ANK2: variants seen among roughly 807,000 people sequenced by gnomAD.
ANK2 encodes the protein ankyrin 2.
A neutral mutation model predicts 360.5 loss-of-function variants in ANK2; 83 were observed. The ratio of observed to expected loss-of-function variants is 0.23; its 90% CI spans 0.19 to 0.28. ANK2 has a LOEUF of 0.28. Ranked by LOEUF, ANK2 falls within the 10% of genes least tolerant of loss-of-function variation. ANK2 has a pLI of 1.00. For missense variants in ANK2, 4,201 were observed against 4,795.7 expected, an observed-to-expected ratio of 0.88 and a Z score of 3.66; for synonymous variants, 1,740 against 1,759.5, an observed-to-expected ratio of 0.99 and a Z score of 0.28.
upstream of ANK2, among the ~76,000 whole-genome samples, chr4:113,047,525 G>A (rs1386522559): frequency 6.6e-6 from 1 of 152,162 alleles, no homozygotes; most frequent in Non-Finnish European, 1.5e-5. Context: ...CAAGAAAGGG[G>A]CATCTAATGG....
chr4:113,343,270 C>A, intron 34 of ANK2, 128 bp downstream of exon 34: 9 of 970,090 alleles, frequency 9.3e-6, no homozygotes, highest in East Asian at 2.7e-5. Context: ...ATATTTGTAA[C>A]GTTTTACAGC....
chr4:112,813,268 G>A (rs1283463703), upstream of ANK2, among the ~76,000 whole-genome samples: 5 of 149,750 alleles, frequency 3.3e-5, no homozygotes, highest in Non-Finnish European at 7.4e-5. Flanking sequence ...AAAAAAATCT[G>A]GTCATTATGG....
intron 2 of ANK2, among the ~76,000 whole-genome samples, chr4:112,953,719 G>T (rs564391808): frequency 6.6e-6 from 1 of 152,188 alleles, no homozygotes; most frequent in Non-Finnish European, 1.5e-5. Context: ...CTCTGGCAGA[G>T]GTAGTTCTTT....
Position 113,336,699 on chromosome 4 carries a change from T to G in ANK2, c.3714T>G (p.Pro1238=), listed in dbSNP as rs771089616. Residue 1238 remains proline (P), a synonymous_variant, in exon 31 of 46, where the codon CCT becomes CCG. Coordinates refer to ENST00000357077, the MANE Select transcript of ANK2 (RefSeq NM_001148.6). ...KFHKPITMTI[P]VPKASSDVML... is the part of the protein sequence containing the mutation. ...ACAAACCAATTACCATGACCATTCC[T>G]GTCCCCAAAGCTTCAAGTGATGTCA... 6.2e-7 allele frequency: 1 copy of G among 1,614,154 alleles called. No homozygotes were observed. Among genetic ancestry groups the G allele is most frequent in the Non-Finnish European group, 8.5e-7 (1 of 1,180,024 alleles).
intron 2 of ANK2, among the ~76,000 whole-genome samples, chr4:113,017,647 C>T (rs1455156556): frequency 2.0e-5 from 3 of 152,188 alleles, no homozygotes; most frequent in Non-Finnish European, 2.9e-5. Context: ...CTATCATTCA[C>T]ACGCAGAATT....
At chr4:112,865,793 A>T (rs2070294632) in intron 1 of ANK2, among the ~76,000 whole-genome samples, 1 of 152,250 alleles carries the variant, frequency 6.6e-6, no homozygotes, top group African/African-American at 2.4e-5. Flanking sequence ...TAAATTTCAT[A>T]CATTTCTGTG....
intron 1 of ANK2, among the ~76,000 whole-genome samples, chr4:112,850,295 TCTA>T (rs2064423739): frequency 7.5e-6 from 1 of 132,708 alleles, no homozygotes; most frequent in African/African-American, 3.0e-5. Flanking sequence ...TATCTATCTA[TCTA>T]TCTAATTTGT....
At chr4:112,884,031 A>T (rs888339189) in intron 1 of ANK2, among the ~76,000 whole-genome samples, 52 of 152,132 alleles carry the variant, frequency 3.4e-4, no homozygotes, top group African/African-American at 1.2e-3. Context: ...ATTTGGTCTC[A>T]TAGCACAAAT....
At chr4:112,850,331 G>GTCCATCCATCCATCCA (rs139812761) in intron 1 of ANK2, among the ~76,000 whole-genome samples, 22,410 of 142,744 alleles carry the variant, frequency 0.16, 1,996 homozygotes, top group African/African-American at 0.22. Context: ...CCATTCATCT[G>GTCCATCCATCCATCCA]TCCATCCATC....
At chr4:113,326,497 AAC>A (rs1444926012) in intron 26 of ANK2, among the ~76,000 whole-genome samples, 1 of 152,148 alleles carries the variant, frequency 6.6e-6, no homozygotes, top group Non-Finnish European at 1.5e-5. Flanking sequence ...AGATTTTATA[AAC>A]AGTTTTACTC....
At chr4:113,333,311 T>A in intron 29 of ANK2, 103 bp downstream of exon 29, 1 of 1,314,706 alleles carries the variant, frequency 7.6e-7, no homozygotes, top group Non-Finnish European at 1.1e-6. Flanking sequence ...TGTGTGTGTG[T>A]GTGTGTGTGT....
At chr4:113,198,138 C>T (rs1346059383) in intron 3 of ANK2, among the ~76,000 whole-genome samples, 1 of 151,912 alleles carries the variant, frequency 6.6e-6, no homozygotes, top group East Asian at 1.9e-4. Flanking sequence ...TTTTTCTTTT[C>T]TTCTAAACTC....
intron 1 of ANK2, among the ~76,000 whole-genome samples, chr4:112,899,464 A>G (rs1486153939): frequency 6.6e-6 from 1 of 152,174 alleles, no homozygotes; most frequent in Non-Finnish European, 1.5e-5. Flanking sequence ...GCCCCATAAA[A>G]ACCCAATTTT....
the ANK2 span, among the ~76,000 whole-genome samples, chr4:112,730,887 C>A: frequency 1.3e-5 from 2 of 150,966 alleles, no homozygotes; most frequent in South Asian, 4.2e-4. Context: ...CGCCTGTAGT[C>A]CCAGCACTTT....
chr4:113,381,922 A>G lies in ANK2; in HGVS notation c.*451A>G. ...CACCTCCATTGTTCTTTGCTTCTGC[A>G]CAAGATCCATGAAAATCCATTGATC... On this transcript the variant is annotated 3_prime_UTR_variant, in exon 46 of 46. Transcript: ENST00000357077. 2 of 343,868 alleles carry G rather than the reference A, an allele frequency of 5.8e-6. No homozygotes were observed. The highest frequency in any genetic ancestry group is 5.7e-6 in the Non-Finnish European group (1 of 174,738). The allele number at this position is 343,868 out of a possible 1,614,324, so 21.3% of individuals were successfully genotyped here. A position where few individuals can be genotyped will look rare whatever the true frequency, so the allele number is the denominator to read the frequency against.
chr4:113,206,898 C>T (rs142572373), intron 4 of ANK2, among the ~76,000 whole-genome samples: 164 of 152,248 alleles, frequency 1.1e-3, no homozygotes, highest in Admixed American at 1.6e-3. Context: ...GTGGTGGGTG[C>T]TTGTAACCCC....
rs116815944 is a variant in ANK2, at chr4:112,844,799, T to C, written c.-40+26535T>C. On this transcript the variant is annotated intron_variant, in intron 1 of 30. Coordinates refer to the ANK2 transcript ENST00000503271. ...TACTAGGAGCCAGTGAAGAAAGCAA[T>C]TGGTTATTTGATTTTTAGTATCCAT... Among the ~76,000 whole-genome samples the C allele has an allele frequency of 5.6e-4, 85 of 152,282 alleles. 1 individual carries two copies. The highest frequency in any genetic ancestry group is 1.9e-3 in the African/African-American group (79 of 41,552).
chr4:113,145,392 A>C (rs1471620257), intron 1 of ANK2, among the ~76,000 whole-genome samples: 1 of 152,220 alleles, frequency 6.6e-6, no homozygotes, highest in Non-Finnish European at 1.5e-5. Context: ...TATTGTGTGA[A>C]TAAGAGACAG....
chr4:113,098,413 A>G (rs2092091102), intron 1 of ANK2, among the ~76,000 whole-genome samples: 2 of 152,042 alleles, frequency 1.3e-5, no homozygotes, highest in Admixed American at 1.3e-4. Context: ...AAAGAGCAAT[A>G]AATAAATATT....
Sources: gnomAD v4.1 joint callset for allele counts (sites outside exome capture counted in the v4.1 genomes callset) on GRCh38, gnomAD v4.1.1 for gene constraint, MANE v1.5 for transcripts, NCBI Gene and HGNC (gene_info 2026-07-23, HGNC 2026-07-21) for gene names.